Variants in CYFIP1 observed in about 807,000 individuals in gnomAD.
CYFIP1 encodes the protein cytoplasmic FMR1-interacting protein 1.
CYFIP1 carries 58 observed loss-of-function variants against 163.5 expected under a neutral mutation model. The observed-to-expected ratio is 0.35, with a 90% CI of 0.29 to 0.44. The LOEUF (loss-of-function observed/expected upper bound fraction) is 0.44, where lower values mean the gene tolerates loss of function less well. Ranked by LOEUF, CYFIP1 falls within the 20% of genes least tolerant of loss-of-function variation. The pLI, the probability that CYFIP1 is intolerant of heterozygous loss-of-function variation, is 1.00. For synonymous variants in CYFIP1, 663 were observed against 660.7 expected, an observed-to-expected ratio of 1.00 and a Z score of -0.05; for missense variants, 1,338 against 1,653.8, an observed-to-expected ratio of 0.81 and a Z score of 3.31.
At chr15:22,872,307 AAAAG>A (rs951837182) in intron 30 of CYFIP1, among the ~76,000 whole-genome samples, 29 of 150,178 alleles carry the variant, frequency 1.9e-4, no homozygotes, top group Middle Eastern at 6.8e-3. Context: ...AAAAAAAAAA[AAAAG>A]AAAGAAAAAA....
chr15:22,874,782 A>C, intron 27 of CYFIP1, 138 bp from the exon 28 acceptor site: 1 of 619,576 alleles, frequency 1.6e-6, no homozygotes, highest in African/African-American at 1.9e-5. Context: ...ATTATTTTAC[A>C]GAACTGGCTC....
At chr15:22,975,771 C>T (rs2063251059) in intron 1 of CYFIP1, among the ~76,000 whole-genome samples, 2 of 152,148 alleles carry the variant, frequency 1.3e-5, no homozygotes, top group South Asian at 4.1e-4. Context: ...AAAAAAGTTA[C>T]ACTCGGATTT....
chr15:22,895,678 G>A (rs747373388), intron 22 of CYFIP1, among the ~76,000 whole-genome samples: 40 of 152,210 alleles, frequency 2.6e-4, no homozygotes, highest in Non-Finnish European at 4.4e-5. Flanking sequence ...GACAGCATGG[G>A]GTTAGAGGCC....
chr15:22,943,872 C>T (rs187358524), intron 5 of CYFIP1, among the ~76,000 whole-genome samples: 42 of 152,220 alleles, frequency 2.8e-4, no homozygotes, highest in Admixed American at 2.4e-3. Context: ...AAGGCCAGGG[C>T]GAGGACCACC....
At chr15:22,933,345 T>C (rs1322321769) in intron 10 of CYFIP1, among the ~76,000 whole-genome samples, 4 of 151,870 alleles carry the variant, frequency 2.6e-5, no homozygotes, top group African/African-American at 7.2e-5. Context: ...GACGGAGTCT[T>C]GCTCTGTCGC....
Position 22,905,773 on chromosome 15 carries a change from GT to G in CYFIP1, c.2389-1869del, listed in dbSNP as rs1427101682. Among the ~76,000 whole-genome samples the G allele has an allele frequency of 2.1e-5, 3 of 142,054 alleles. No homozygotes were observed. The East Asian group carries it at 6.3e-4, about 30-fold the overall frequency. The allele number at this position is 142,054 out of a possible 152,430, so 93.2% of individuals were successfully genotyped here. On this transcript the variant is annotated intron_variant, in intron 21 of 30. Transcript: ENST00000617928. ...TATTTCTGTTTTTTTTTTTGTTTTT[GT>G]TTTGAGACGGAGTCTCGCTCTGTCA...
intron 1 of CYFIP1, among the ~76,000 whole-genome samples, chr15:22,979,656 C>T (rs539337678): frequency 6.6e-6 from 1 of 152,178 alleles, no homozygotes; most frequent in African/African-American, 2.4e-5. Flanking sequence ...AAATTAAGCT[C>T]ACGCATTTCA....
rs1055353761 is a variant in CYFIP1, at chr15:22,979,538, T to C, written c.-7+749A>G. On this transcript the variant is annotated intron_variant, in intron 1 of 30. Transcript: ENST00000617928. Reference sequence around the variant, plus strand: ...GCAGCCGCTCCCTGACTGGACTTAATAGCGGAGCTGACACCGTCCAGACGC... The same window carrying C: ...GCAGCCGCTCCCTGACTGGACTTAACAGCGGAGCTGACACCGTCCAGACGC... 3.9e-5 allele frequency among the ~76,000 whole-genome samples: 6 copies of C among 152,164 alleles called. No homozygotes were observed. The South Asian group carries it at 6.2e-4, about 16-fold the overall frequency.
intron 22 of CYFIP1, among the ~76,000 whole-genome samples, chr15:22,894,178 C>T (rs1046565112): frequency 2.7e-5 from 4 of 149,614 alleles, no homozygotes; most frequent in Admixed American, 6.7e-5. Context: ...ATGGTGACGG[C>T]GGGGTGCGGG....
chr15:22,964,353 TCACACACACACACACACACACACA>T lies in CYFIP1; in HGVS notation c.-7+15910_-7+15933del, dbSNP rs71117466. Among the ~76,000 whole-genome samples, 294 of 78,750 alleles carry T rather than the reference TCACACACACACACACACACACACA, an allele frequency of 3.7e-3. 8 individuals carry two copies. The highest frequency in any genetic ancestry group is 0.013 in the African/African-American group (262 of 19,858). 51.7% of individuals were successfully genotyped at this position (78,750 alleles called of 152,430 possible). ...CCAGCAGACTCCGCAACCTCATCAC[TCACACACACACACACACACACACA>T]CACACACACACACACACACACACAC... On this transcript the variant is annotated intron_variant, in intron 1 of 30. Transcript: ENST00000617928.
rs537864839 is a variant in CYFIP1, at chr15:22,893,394, A to G, written c.2589-417T>C. On this transcript the variant is annotated intron_variant, in intron 22 of 30. Coordinates refer to ENST00000617928, the MANE Select transcript of CYFIP1 (RefSeq NM_014608.6). ...GGACAGGGACACTTAGGTATTTGTA[A>G]CCCACTCAATTAGTCAAGAGATTGT... is the stretch of plus-strand genomic sequence containing the variant. Among the ~76,000 whole-genome samples, 49 of 152,282 alleles carry G rather than the reference A, an allele frequency of 3.2e-4. 2 individuals are homozygous for G. The South Asian group carries it at 9.3e-3, about 29-fold the overall frequency.
At chr15:22,956,179 C>T (rs567602537) in intron 1 of CYFIP1, among the ~76,000 whole-genome samples, 11 of 152,172 alleles carry the variant, frequency 7.2e-5, no homozygotes, top group African/African-American at 1.9e-4. Context: ...TGCACTCCAG[C>T]CTGGGCGACA....
chr15:22,902,974 T>A (rs2060445959), intron 22 of CYFIP1, among the ~76,000 whole-genome samples: 1 of 152,192 alleles, frequency 6.6e-6, no homozygotes, highest in Admixed American at 6.5e-5. Context: ...TTCAGCCACA[T>A]GTGGGTGGGA....
intron 11 of CYFIP1, 113 bp from the exon 12 acceptor site, chr15:22,928,141 T>G: frequency 3.1e-6 from 4 of 1,276,744 alleles, no homozygotes; most frequent in South Asian, 1.7e-5. Context: ...AAATAAGAAA[T>G]GCAGGAGGCC....
chr15:22,895,042 T>A (rs1312604349), intron 22 of CYFIP1, among the ~76,000 whole-genome samples: 1 of 148,098 alleles, frequency 6.8e-6, no homozygotes, highest in Non-Finnish European at 1.5e-5. Context: ...TTAGACAGAG[T>A]CTTGCTCTGT....
chr15:22,914,697 G>C (rs1317288924), intron 17 of CYFIP1, 29 bp downstream of exon 17: 1 of 1,588,292 alleles, frequency 6.3e-7, no homozygotes. Context: ...CACACACAAA[G>C]GCTGGAGACA....
chr15:22,897,870 C>A (rs1595544106), intron 22 of CYFIP1, among the ~76,000 whole-genome samples: 1 of 152,194 alleles, frequency 6.6e-6, no homozygotes, highest in African/African-American at 2.4e-5. Context: ...GCTAGCAGCT[C>A]CCTGGCACAC....
chr15:22,970,805 G>A (rs1455436120), intron 1 of CYFIP1, among the ~76,000 whole-genome samples: 1 of 152,174 alleles, frequency 6.6e-6, no homozygotes, highest in African/African-American at 2.4e-5. Context: ...GGCCTGGCGT[G>A]GTGGCTCACT....
chr15:22,874,214 C>T (rs1291582825), intron 28 of CYFIP1, among the ~76,000 whole-genome samples: 6 of 152,240 alleles, frequency 3.9e-5, no homozygotes, highest in Admixed American at 2.0e-4. Flanking sequence ...TAGAACTCTA[C>T]CCTGACACCT....
Sources: gnomAD v4.1 joint callset for allele counts (sites outside exome capture counted in the v4.1 genomes callset) on GRCh38, gnomAD v4.1.1 for gene constraint, MANE v1.5 for transcripts, NCBI Gene and HGNC (gene_info 2026-07-23, HGNC 2026-07-21) for gene names.